The following STPG1 variants were observed in gnomAD, a reference collection of about 807,000 sequenced individuals.
STPG1 encodes the protein sperm tail PG-rich repeat containing 1.
A neutral mutation model predicts 40.1 loss-of-function variants in STPG1; 33 were observed. The observed-to-expected ratio is 0.82, with a 90% CI of 0.62 to 1.10. The LOEUF is 1.10. STPG1 is among the 50% of genes least tolerant of loss of function. The pLI, the probability that STPG1 is intolerant of heterozygous loss-of-function variation, is 0.00. For synonymous variants in STPG1, 150 were observed against 155.0 expected (o/e 0.97, Z 0.24); for missense variants, 396 against 415.1 (o/e 0.95, Z 0.40).
chr1:24,367,702 T>C (rs1641540816), intron 7 of STPG1, among the ~76,000 whole-genome samples: 1 of 152,062 alleles, frequency 6.6e-6, no homozygotes, highest in Non-Finnish European at 1.5e-5. Context: ...TTAGTAGAGA[T>C]GGGGTTTTGC....
intron 1 of STPG1, among the ~76,000 whole-genome samples, chr1:24,401,696 ATTTTTT>A (rs967870734): frequency 9.2e-5 from 14 of 151,968 alleles, no homozygotes; most frequent in Admixed American, 7.9e-4. Context: ...TTTTATTTTT[ATTTTTT>A]ATTTTTTGAT....
At chr1:24,395,882 C>G (rs1642979780) in intron 2 of STPG1, among the ~76,000 whole-genome samples, 1 of 151,894 alleles carries the variant, frequency 6.6e-6, no homozygotes, top group African/African-American at 2.4e-5. Flanking sequence ...ATTCAGGAGG[C>G]TGAATCAGGA....
rs187468979 is a variant in STPG1, at chr1:24,402,706, A to G, written c.-68-1250T>C. 3.4e-3 allele frequency among the ~76,000 whole-genome samples: 516 copies of G among 151,480 alleles called. 7 individuals are homozygous for G. The highest frequency in any genetic ancestry group is 0.011 in the African/African-American group (464 of 41,224). ...GGCTGCACTGAGCCATGACAGCACC[A>G]CTGCACTCCAGAATGGACAACAGAG... On this transcript the variant is annotated intron_variant, in intron 1 of 8. Coordinates refer to ENST00000337248, the MANE Select transcript of STPG1 (RefSeq NM_001199013.2).
At chr1:24,367,264 A>T (rs1381041312) in intron 7 of STPG1, among the ~76,000 whole-genome samples, 1 of 152,234 alleles carries the variant, frequency 6.6e-6, no homozygotes. Context: ...TGACAAATGC[A>T]AACGCCATAA....
At chr1:24,385,540 G>A (rs187679677) in intron 3 of STPG1, among the ~76,000 whole-genome samples, 1 of 152,276 alleles carries the variant, frequency 6.6e-6, no homozygotes. Context: ...TCAATTTCTC[G>A]AGTGCTCATT....
At chr1:24,375,827 C>T (rs963165957) in intron 5 of STPG1, among the ~76,000 whole-genome samples, 5 of 152,062 alleles carry the variant, frequency 3.3e-5, no homozygotes, top group Non-Finnish European at 5.9e-5. Context: ...TTTTTGTATA[C>T]GCTGAGTGTG....
At chr1:24,395,427 A>G (rs1392572633) in intron 2 of STPG1, among the ~76,000 whole-genome samples, 3 of 137,674 alleles carry the variant, frequency 2.2e-5, no homozygotes. Flanking sequence ...TAAATTGAAC[A>G]ATTTTTTTTT....
intron 4 of STPG1, among the ~76,000 whole-genome samples, chr1:24,381,831 G>A (rs1642297423): frequency 6.6e-6 from 1 of 152,162 alleles, no homozygotes; most frequent in South Asian, 2.1e-4. Context: ...GGTGCTAAAG[G>A]TGAAAGTTAC....
intron 7 of STPG1, chr1:24,364,068 C>T: frequency 7.3e-7 from 1 of 1,368,122 alleles, no homozygotes; most frequent in East Asian, 2.8e-5. Context: ...TCCAGAAACA[C>T]CCAACACAAC....
intron 1 of STPG1, among the ~76,000 whole-genome samples, chr1:24,406,955 C>T (rs1334851916): frequency 1.3e-5 from 2 of 152,198 alleles, no homozygotes; most frequent in Non-Finnish European, 2.9e-5. Context: ...ACCCTCACCA[C>T]TATCCGTCTC....
At chr1:24,390,176 T>C (rs1642699186) in intron 3 of STPG1, among the ~76,000 whole-genome samples, 1 of 152,250 alleles carries the variant, frequency 6.6e-6, no homozygotes, top group South Asian at 2.1e-4. Context: ...AACAGTATTC[T>C]AAAGGTCTTG....
intron 8 of STPG1, 54 bp from the exon 9 acceptor site, chr1:24,358,673 A>T: frequency 7.2e-7 from 1 of 1,389,344 alleles, no homozygotes; most frequent in Non-Finnish European, 1.0e-6. Context: ...CCATTGCTGC[A>T]GTCTCTGGCA....
intron 7 of STPG1, chr1:24,364,504 T>C (rs1003406337): frequency 7.3e-7 from 1 of 1,361,198 alleles, no homozygotes; most frequent in Non-Finnish European, 9.5e-7. Flanking sequence ...CTATGGCTTT[T>C]ACTTGCCTAG....
At chr1:24,394,048 G>A (rs1481685092) in intron 2 of STPG1, among the ~76,000 whole-genome samples, 3 of 152,166 alleles carry the variant, frequency 2.0e-5, no homozygotes, top group East Asian at 1.9e-4. Context: ...GCTCTGCAAC[G>A]GGGTCCCCTG....
chr1:24,361,582 T>C (rs1641120296), intron 7 of STPG1, among the ~76,000 whole-genome samples: 1 of 152,142 alleles, frequency 6.6e-6, no homozygotes, highest in African/African-American at 2.4e-5. Flanking sequence ...TAGAGGCCAC[T>C]GTAACATTGA....
chr1:24,399,462 A>C lies in STPG1; in HGVS notation c.70+1857T>G, dbSNP rs151117529. 3.8e-3 allele frequency among the ~76,000 whole-genome samples: 586 copies of C among 152,282 alleles called. 1 individual carries two copies. The highest frequency in any genetic ancestry group is 0.013 in the African/African-American group (535 of 41,558). The stretch of plus-strand genomic sequence containing the variant: ...TAAAATAATAGAGTTTCTAGAAGAA[A>C]CTATCTTGGGATGGGCAAAGATTTC... On this transcript the variant is annotated intron_variant, in intron 2 of 8. Transcript: ENST00000337248. The surrounding 1 kb of genome is among the most constrained non-coding windows in gnomAD (Gnocchi z 4.0).
intron 2 of STPG1, among the ~76,000 whole-genome samples, chr1:24,393,526 A>T (rs866564375): frequency 4.3e-4 from 65 of 152,284 alleles, no homozygotes; most frequent in Middle Eastern, 3.4e-3. Context: ...AGAGTTATTT[A>T]AAAAAGGTTA....
intron 6 of STPG1, among the ~76,000 whole-genome samples, chr1:24,370,551 G>A (rs1264912958): frequency 6.6e-6 from 1 of 152,024 alleles, no homozygotes; most frequent in African/African-American, 2.4e-5. Flanking sequence ...GAGTGCAGTG[G>A]CGTGATCTCA....
chr1:24,391,958 T>C (rs1642792191), intron 2 of STPG1: 3 of 1,123,656 alleles, frequency 2.7e-6, no homozygotes, highest in African/African-American at 1.7e-5. Flanking sequence ...AGGAAGGAGA[T>C]GATAGTAAAG....
Sources: gnomAD v4.1 joint callset for allele counts (sites outside exome capture counted in the v4.1 genomes callset) on GRCh38, gnomAD v4.1.1 for gene constraint, Gnocchi (gnomAD v3.1) non-coding constraint, MANE v1.5 for transcripts, NCBI Gene and HGNC (gene_info 2026-07-23, HGNC 2026-07-21) for gene names.